NTRK3: variants seen among roughly 807,000 people sequenced by gnomAD.
The protein encoded by NTRK3 is neurotrophic receptor tyrosine kinase 3.
Under a neutral mutation model 91.7 loss-of-function variants are expected in NTRK3, and 24 were observed. That is an observed-to-expected ratio of 0.26 (90% CI 0.19 to 0.37). The LOEUF (loss-of-function observed/expected upper bound fraction) is 0.37, where lower values mean the gene tolerates loss of function less well. Ranked by LOEUF, NTRK3 falls within the 10% of genes least tolerant of loss-of-function variation. The pLI is 1.00. For missense variants in NTRK3, 880 were observed against 1,068.9 expected, an observed-to-expected ratio of 0.82 and a Z score of 2.46; for synonymous variants, 483 against 404.0, an observed-to-expected ratio of 1.20 and a Z score of -2.34.
rs1466208011 is a variant in NTRK3, at chr15:87,968,672, AC to A, written c.1586-27920del. Among the ~76,000 whole-genome samples the A allele has an allele frequency of 5.3e-5, 8 of 152,128 alleles. No individual in the cohort carries two copies. The East Asian group carries it at 1.5e-3, about 29-fold the overall frequency. ...ACCTCACCTCACCACCCCTAAACTG[AC>A]CAAAAGTTGACTCCATGTGTTTGCA... On this transcript the variant is annotated intron_variant, in intron 14 of 18. Transcript: ENST00000394480.
intron 17 of NTRK3, among the ~76,000 whole-genome samples, chr15:87,914,421 C>A (rs981989743): frequency 1.3e-5 from 2 of 152,184 alleles, no homozygotes; most frequent in Admixed American, 6.5e-5. Flanking sequence ...TACTCAGAGT[C>A]CCCACATACT....
intron 13 of NTRK3, among the ~76,000 whole-genome samples, chr15:88,056,198 A>AT (rs999054541): frequency 1.0e-4 from 10 of 96,862 alleles, no homozygotes; most frequent in African/African-American, 3.1e-4. Flanking sequence ...ATATATATAT[A>AT]TATATTTTTT....
intron 8 of NTRK3, 145 bp downstream of exon 8, chr15:88,136,322 T>C: frequency 1.8e-6 from 2 of 1,123,176 alleles, no homozygotes; most frequent in Non-Finnish European, 1.3e-6. Context: ...TAGAGCGAAA[T>C]GGCTAGAAAA....
intron 14 of NTRK3, among the ~76,000 whole-genome samples, chr15:87,964,267 A>G (rs1457110667): frequency 6.6e-6 from 1 of 152,032 alleles, no homozygotes; most frequent in Non-Finnish European, 1.5e-5. Context: ...AACAGGTGTA[A>G]AAAAGGGGAG....
chr15:88,147,211 A>G (rs938796684), intron 6 of NTRK3, 124 bp downstream of exon 6: 1 of 899,586 alleles, frequency 1.1e-6, no homozygotes, highest in East Asian at 2.6e-5. Context: ...GTGTCAACCA[A>G]CCCAAGTAGG....
intron 17 of NTRK3, among the ~76,000 whole-genome samples, chr15:87,891,898 G>T (rs923077968): frequency 6.6e-6 from 1 of 152,170 alleles, no homozygotes; most frequent in Non-Finnish European, 1.5e-5. Context: ...CAGAGATACA[G>T]TACAGTGTCC....
rs755448985 is a variant in NTRK3, at chr15:88,255,547, G to A, written c.248+359C>T. ...CTCGTCTACTTTATTCCACTTGAGC[G>A]TGGCCAAACTGTTGCTATTTAGTGG... On this transcript the variant is annotated intron_variant, in intron 3 of 18. Coordinates refer to ENST00000394480, the Ensembl canonical transcript of NTRK3. The surrounding 1 kb of genome is among the most constrained non-coding windows in gnomAD (Gnocchi z 4.3). 5.9e-5 allele frequency among the ~76,000 whole-genome samples: 9 copies of A among 152,242 alleles called. No individual in the cohort carries two copies. The highest frequency in any genetic ancestry group is 8.8e-5 in the Non-Finnish European group (6 of 68,010).
rs1009439688 is a variant in NTRK3 at position 87,959,686 on chromosome 15, G to T, written c.1586-18933C>A. Among the ~76,000 whole-genome samples, 4 of 152,270 alleles carry T rather than the reference G, an allele frequency of 2.6e-5. No homozygotes were observed. The South Asian group carries it at 8.3e-4, about 32-fold the overall frequency. On this transcript the variant is annotated intron_variant, in intron 14 of 18. Coordinates refer to ENST00000394480, the Ensembl canonical transcript of NTRK3. ...GCTGCTCCTCAATCTGAGGCCCTAC[G>T]CTCAAGCTAGAGCTCCATCACAGCA...
intron 13 of NTRK3, among the ~76,000 whole-genome samples, chr15:88,062,290 C>T (rs1287099764): frequency 6.6e-6 from 1 of 152,182 alleles, no homozygotes; most frequent in Non-Finnish European, 1.5e-5. Context: ...GTGTTTTGCG[C>T]AAGAAGTACT....
At position 87,942,438 on chromosome 15, in the gene NTRK3, C is replaced by T. The variant is rs573356521; in HGVS notation, c.1586-1685G>A. On this transcript the variant is annotated intron_variant, in intron 14 of 18. Coordinates refer to ENST00000394480, the Ensembl canonical transcript of NTRK3. ...TGGAGGGCAAGGCTAAAGAGTCTCC[C>T]ACTGCGAGAAAATAGGAAGTCAGGC... Among the ~76,000 whole-genome samples the T allele has an allele frequency of 4.6e-5, 7 of 152,304 alleles. No individual in the cohort carries two copies. In the South Asian group the frequency reaches 1.5e-3, roughly 32 times the overall value.
chr15:87,871,859 T>G (rs1403306910), exon 19 of NTRK3: 1 of 222,178 alleles, frequency 4.5e-6, no homozygotes, highest in Non-Finnish European at 9.0e-6. Flanking sequence ...ACACTCCCAG[T>G]ATTATTAAGC....
chr15:87,946,566 G>A (rs1274443364), intron 14 of NTRK3, among the ~76,000 whole-genome samples: 2 of 152,108 alleles, frequency 1.3e-5, no homozygotes, highest in Non-Finnish European at 2.9e-5. Flanking sequence ...AGGCTCAGAA[G>A]CAGTCCCCTG....
At chr15:88,042,605 C>G (rs1028922261) in intron 13 of NTRK3, among the ~76,000 whole-genome samples, 1 of 152,230 alleles carries the variant, frequency 6.6e-6, no homozygotes, top group African/African-American at 2.4e-5. Context: ...GAACCAAAGG[C>G]GTTGTTCATG....
intron 14 of NTRK3, chr15:87,981,257 C>G (rs1418617323): frequency 1.3e-6 from 2 of 1,592,610 alleles, no homozygotes; most frequent in Non-Finnish European, 1.7e-6. Flanking sequence ...CTTCCCCACT[C>G]TGGACCTCAG....
At chr15:88,177,747 C>CCCAACTT (rs1230858817) in intron 5 of NTRK3, among the ~76,000 whole-genome samples, 1 of 152,198 alleles carries the variant, frequency 6.6e-6, no homozygotes, top group African/African-American at 2.4e-5. Context: ...GGAGTTGGTT[C>CCCAACTT]TAAGGACTCT....
At chr15:88,005,743 C>T (rs2076440522) in intron 14 of NTRK3, among the ~76,000 whole-genome samples, 1 of 152,124 alleles carries the variant, frequency 6.6e-6, no homozygotes, top group South Asian at 2.1e-4. Context: ...CTGAGACCCT[C>T]CCCCATCTAC....
At chr15:87,895,504 GA>G (rs113837222) in intron 17 of NTRK3, among the ~76,000 whole-genome samples, 1,770 of 152,072 alleles carry the variant, frequency 0.012, 32 homozygotes, top group African/African-American at 0.036. Flanking sequence ...GCATAACAAG[GA>G]AAAAAATCAA....
intron 14 of NTRK3, among the ~76,000 whole-genome samples, chr15:87,980,493 G>A (rs906396812): frequency 6.6e-5 from 10 of 152,124 alleles, no homozygotes; most frequent in African/African-American, 2.4e-4. Flanking sequence ...GTTTCCATGT[G>A]TGTTTGCATG....
intron 14 of NTRK3, among the ~76,000 whole-genome samples, chr15:87,980,347 T>C (rs1430968970): frequency 8.6e-6 from 1 of 116,624 alleles, no homozygotes; most frequent in African/African-American, 3.8e-5. Flanking sequence ...GTGTGTGTGT[T>C]TGCATGTGTA....
Sources: allele counts gnomAD v4.1 joint callset (sites outside exome capture counted in the v4.1 genomes callset), GRCh38; gene constraint gnomAD v4.1.1; non-coding constraint Gnocchi (gnomAD v3.1); transcripts MANE v1.5; gene names NCBI Gene and HGNC (gene_info 2026-07-23, HGNC 2026-07-21).